MSRA: variants seen among roughly 807,000 people sequenced by gnomAD.
The protein encoded by MSRA is mitochondrial peptide methionine sulfoxide reductase.
In MSRA, 54 loss-of-function variants were observed where a neutral mutation model predicts 31.3. That is an observed-to-expected ratio of 1.73 (90% CI 1.39 to 2.17). The LOEUF is 2.17. Among genes scored for constraint, MSRA ranks in the 30% most tolerant of loss-of-function variants. The pLI is 0.00. For synonymous variants in MSRA, 169 were observed against 116.5 expected, an observed-to-expected ratio of 1.45 and a Z score of -2.90; for missense variants, 507 against 300.9, an observed-to-expected ratio of 1.69 and a Z score of -5.07.
chr8:10,260,770 A>T (rs753635484), intron 3 of MSRA, among the ~76,000 whole-genome samples: 1 of 152,170 alleles, frequency 6.6e-6, no homozygotes. Context: ...TGTGTGCTTA[A>T]TGTCTTTTGT....
intron 1 of MSRA, among the ~76,000 whole-genome samples, chr8:10,123,507 A>G (rs1174139839): frequency 2.6e-5 from 4 of 152,114 alleles, no homozygotes; most frequent in Non-Finnish European, 5.9e-5. Context: ...GCTGTGCAGA[A>G]GCTCTTTAGT....
intron 2 of MSRA, among the ~76,000 whole-genome samples, chr8:10,227,635 T>C (rs112965306): frequency 6.6e-6 from 1 of 152,168 alleles, no homozygotes; most frequent in Admixed American, 6.5e-5. Flanking sequence ...TTAATCACAG[T>C]GCAGAGGTAC....
rs142649816 is a variant in MSRA, at chr8:10,154,207, G to A, written c.143-53626G>A. 6.8e-4 allele frequency among the ~76,000 whole-genome samples: 103 copies of A among 152,318 alleles called. 1 individual carries two copies. Among genetic ancestry groups the A allele is most frequent in the African/African-American group, 2.4e-3 (101 of 41,574 alleles). ...ACGCAGTCACTGAATCTGTGTGGTGGACACGCGTGCTTGAAAACCTTGCGG... is the reference window on the plus strand; with the variant it reads ...ACGCAGTCACTGAATCTGTGTGGTGAACACGCGTGCTTGAAAACCTTGCGG... On this transcript the variant is annotated intron_variant, in intron 1 of 5. Coordinates refer to ENST00000317173, the MANE Select transcript of MSRA (RefSeq NM_012331.5).
At chr8:10,288,415 T>G (rs67455183) in intron 3 of MSRA, among the ~76,000 whole-genome samples, 23,722 of 152,160 alleles carry the variant, frequency 0.16, 2,003 homozygotes, top group African/African-American at 0.21. Context: ...AATCAGGTGG[T>G]TTGGTGCTGT....
intron 5 of MSRA, among the ~76,000 whole-genome samples, chr8:10,350,747 C>T (rs1328442450): frequency 6.6e-6 from 1 of 152,198 alleles, no homozygotes; most frequent in East Asian, 1.9e-4. Context: ...GGTGGCAGCA[C>T]GGAGCAGACC....
At chr8:10,219,038 C>A (rs1316369779) in intron 2 of MSRA, among the ~76,000 whole-genome samples, 2 of 152,160 alleles carry the variant, frequency 1.3e-5, no homozygotes, top group Non-Finnish European at 2.9e-5. Flanking sequence ...TGAGTCCTGA[C>A]CCTCAGTAGC....
At chr8:10,391,696 A>G (rs1028347803) in intron 5 of MSRA, among the ~76,000 whole-genome samples, 1 of 152,162 alleles carries the variant, frequency 6.6e-6, no homozygotes, top group African/African-American at 2.4e-5. Flanking sequence ...CTACACGAGC[A>G]CGCCTAACAG....
intron 1 of MSRA, among the ~76,000 whole-genome samples, chr8:10,080,317 CTT>C (rs201769416): frequency 3.5e-5 from 5 of 142,040 alleles, no homozygotes; most frequent in African/African-American, 2.6e-5. Context: ...TTTTTTAAAT[CTT>C]TTTTTTTTTT....
chr8:10,054,795 C>A, intron 1 of MSRA, 137 bp downstream of exon 1: 3 of 956,118 alleles, frequency 3.1e-6, no homozygotes, highest in Non-Finnish European at 4.1e-6. Flanking sequence ...TCTGCGCAGG[C>A]GCGAAGGGGC....
chr8:10,149,699 T>C (rs187917136), intron 1 of MSRA, among the ~76,000 whole-genome samples: 170 of 151,972 alleles, frequency 1.1e-3, no homozygotes, highest in African/African-American at 3.9e-3. Context: ...TATGGAGTTC[T>C]CTTTAGAAAA....
intron 3 of MSRA, among the ~76,000 whole-genome samples, chr8:10,294,926 T>C (rs1800450904): frequency 6.6e-6 from 1 of 152,108 alleles, no homozygotes; most frequent in African/African-American, 2.4e-5. Context: ...TTTCTGTGTC[T>C]CTGGTATGAG....
rs958930106 is a variant in MSRA, at chr8:10,284,940, A to G, written c.332-16594A>G. ...CTCTAGTTTTGCATCTTCAAAATCT[A>G]GTGAGAATTTAAAGACATTCGTGTA... On this transcript the variant is annotated intron_variant, in intron 3 of 5. Coordinates refer to ENST00000317173, the MANE Select transcript of MSRA (RefSeq NM_012331.5). Among the ~76,000 whole-genome samples, 9 of 152,034 alleles carry G rather than the reference A, an allele frequency of 5.9e-5. No homozygotes were observed. The East Asian group carries it at 1.7e-3, about 29-fold the overall frequency.
At chr8:10,260,222 G>T (rs1798401634) in intron 3 of MSRA, among the ~76,000 whole-genome samples, 1 of 152,184 alleles carries the variant, frequency 6.6e-6, no homozygotes, top group African/African-American at 2.4e-5. Flanking sequence ...TCCAGTTGCA[G>T]CAGAATAAAA....
At chr8:10,292,955 G>C (rs1340812841) in intron 3 of MSRA, among the ~76,000 whole-genome samples, 2 of 152,210 alleles carry the variant, frequency 1.3e-5, no homozygotes, top group Non-Finnish European at 2.9e-5. Context: ...GGCTCCTGTA[G>C]GCCCCAGGGA....
intron 1 of MSRA, among the ~76,000 whole-genome samples, chr8:10,121,821 C>A (rs901318271): frequency 4.0e-5 from 6 of 149,432 alleles, no homozygotes; most frequent in Non-Finnish European, 5.9e-5. Flanking sequence ...CAGGTGCACA[C>A]CACCATACGC....
intron 1 of MSRA, among the ~76,000 whole-genome samples, chr8:10,201,727 G>A (rs530754811): frequency 5.9e-5 from 9 of 152,266 alleles, no homozygotes; most frequent in African/African-American, 1.9e-4. Flanking sequence ...ATGTCCCCCC[G>A]ATCCCCTTCA....
chr8:10,358,977 G>C (rs1237902413), intron 5 of MSRA, among the ~76,000 whole-genome samples: 1 of 152,152 alleles, frequency 6.6e-6, no homozygotes, highest in African/African-American at 2.4e-5. Context: ...ACTGACGCCT[G>C]ATGATCTGAA....
At chr8:10,281,038 G>A (rs1487875511) in intron 3 of MSRA, among the ~76,000 whole-genome samples, 1 of 152,142 alleles carries the variant, frequency 6.6e-6, no homozygotes, top group East Asian at 1.9e-4. Flanking sequence ...TAAAGTGTAT[G>A]GAGTCTCTTT....
chr8:10,288,068 G>A (rs1800031487), intron 3 of MSRA, among the ~76,000 whole-genome samples: 1 of 152,096 alleles, frequency 6.6e-6, no homozygotes, highest in South Asian at 2.1e-4. Flanking sequence ...TTGTGATGTT[G>A]GATTACGAGC....
Sources: allele counts gnomAD v4.1 joint callset (sites outside exome capture counted in the v4.1 genomes callset), GRCh38; gene constraint gnomAD v4.1.1; transcripts MANE v1.5; gene names NCBI Gene and HGNC (gene_info 2026-07-23, HGNC 2026-07-21).